CD2AP: variants seen among roughly 807,000 people sequenced by gnomAD.
The protein encoded by CD2AP is CD2 associated protein.
In CD2AP, 46 loss-of-function variants were observed where a neutral mutation model predicts 85.1. That is an observed-to-expected ratio of 0.54 (90% CI 0.43 to 0.69). The LOEUF is 0.69. Ranked by LOEUF, CD2AP falls within the 30% of genes least tolerant of loss-of-function variation. The probability of loss-of-function intolerance (pLI) is 0.00; values close to 1 mark genes in which losing one functional copy is unlikely to be tolerated. For synonymous variants in CD2AP, 255 were observed against 252.9 expected (o/e 1.01, Z -0.08); for missense variants, 769 against 729.5 (o/e 1.05, Z -0.62).
intron 2 of CD2AP, among the ~76,000 whole-genome samples, chr6:47,525,476 A>T (rs1245266752): frequency 6.6e-6 from 1 of 152,096 alleles, no homozygotes; most frequent in Non-Finnish European, 1.5e-5. Context: ...GGTTTTTATT[A>T]TTCTTTGCGA....
intron 11 of CD2AP, among the ~76,000 whole-genome samples, chr6:47,590,386 A>C (rs1020643911): frequency 3.9e-5 from 6 of 152,138 alleles, no homozygotes; most frequent in African/African-American, 1.4e-4. Flanking sequence ...GTATATTTTT[A>C]AAAGAAAATA....
At chr6:47,535,106 A>G (rs1456819879) in intron 3 of CD2AP, among the ~76,000 whole-genome samples, 1 of 152,112 alleles carries the variant, frequency 6.6e-6, no homozygotes, top group Non-Finnish European at 1.5e-5. Context: ...TAGAGATTGC[A>G]TACTTATTAC....
intron 2 of CD2AP, among the ~76,000 whole-genome samples, chr6:47,508,047 T>G (rs1339799759): frequency 6.6e-6 from 1 of 152,238 alleles, no homozygotes; most frequent in African/African-American, 2.4e-5. Context: ...TTAGCATAAT[T>G]CTTAAGGACC....
chr6:47,567,357 A>T (rs1348187153), intron 5 of CD2AP, among the ~76,000 whole-genome samples: 1 of 152,126 alleles, frequency 6.6e-6, no homozygotes, highest in African/African-American at 2.4e-5. Flanking sequence ...TATAAATACA[A>T]TTGTTTAGTT....
At chr6:47,603,246 T>G (rs561229854) in intron 13 of CD2AP, among the ~76,000 whole-genome samples, 1 of 152,252 alleles carries the variant, frequency 6.6e-6, no homozygotes, top group South Asian at 2.1e-4. Flanking sequence ...ATGTATGAAA[T>G]ATTTTAAAGA....
At chr6:47,542,266 CT>C (rs1407479062) in intron 3 of CD2AP, among the ~76,000 whole-genome samples, 1 of 152,154 alleles carries the variant, frequency 6.6e-6, no homozygotes, top group African/African-American at 2.4e-5. Context: ...TAAGAAAAAT[CT>C]TGTTAGGATT....
intron 1 of CD2AP, among the ~76,000 whole-genome samples, chr6:47,500,004 C>G (rs1765959908): frequency 6.6e-6 from 1 of 152,192 alleles, no homozygotes; most frequent in African/African-American, 2.4e-5. Context: ...GCTGGGATTA[C>G]AGGCGTGAGC....
At chr6:47,619,056 A>C (rs1197894959) in intron 17 of CD2AP, among the ~76,000 whole-genome samples, 1 of 152,228 alleles carries the variant, frequency 6.6e-6, no homozygotes, top group East Asian at 1.9e-4. Context: ...GAGAAACTCT[A>C]GCAATGTATT....
At position 47,626,742 on chromosome 6, in the gene CD2AP, A is replaced by G. The variant is rs1029952914; in HGVS notation, c.*2515A>G. 7.9e-5 allele frequency: 12 copies of G among 152,444 alleles called. No individual in the cohort carries two copies. Among genetic ancestry groups the G allele is most frequent in the East Asian group, 1.9e-4 (1 of 5,204 alleles). 9.4% of individuals were successfully genotyped at this position (152,444 alleles called of 1,614,324 possible). On this transcript the variant is annotated 3_prime_UTR_variant, in exon 18 of 18. Coordinates refer to ENST00000359314, the MANE Select transcript of CD2AP (RefSeq NM_012120.3). Reference sequence around the variant, plus strand: ...TGATCACAGAAAAATTAAAAATCCAAGTGCTCTCTAGATTTGTTGATAAAC... The same window carrying G: ...TGATCACAGAAAAATTAAAAATCCAGGTGCTCTCTAGATTTGTTGATAAAC...
chr6:47,478,111 G>C lies in CD2AP; in HGVS notation c.-134G>C. The C allele has an allele frequency of 8.4e-7, 1 of 1,193,884 alleles. No homozygotes were observed. The highest frequency in any genetic ancestry group is 1.2e-6 in the Non-Finnish European group (1 of 829,046). The allele number at this position is 1,193,884 out of a possible 1,614,324, so 74.0% of individuals were successfully genotyped here. A position where few individuals can be genotyped will look rare whatever the true frequency, so the allele number is the denominator to read the frequency against. On this transcript the variant is annotated 5_prime_UTR_variant, in exon 1 of 18. Transcript: ENST00000359314. ...CGCGGGCGGATGGAGGCGACTCTTC[G>C]CCCCGCCTGAGCTCAGGAGGGGCTA...
At chr6:47,586,257 A>T (rs1349468496) in intron 11 of CD2AP, among the ~76,000 whole-genome samples, 2 of 152,282 alleles carry the variant, frequency 1.3e-5, no homozygotes, top group East Asian at 3.9e-4. Flanking sequence ...AGAAAAGAAT[A>T]ATACAGTATC....
At chr6:47,561,053 A>G (rs1386932671) in intron 5 of CD2AP, among the ~76,000 whole-genome samples, 1 of 152,136 alleles carries the variant, frequency 6.6e-6, no homozygotes, top group Non-Finnish European at 1.5e-5. Flanking sequence ...TATTACCAGT[A>G]TTATTTATTT....
At chr6:47,515,136 G>T (rs376321472) in intron 2 of CD2AP, among the ~76,000 whole-genome samples, 1 of 152,026 alleles carries the variant, frequency 6.6e-6, no homozygotes, top group Non-Finnish European at 1.5e-5. Context: ...TCTGGCAAAG[G>T]TATTAGATAA....
intron 8 of CD2AP, among the ~76,000 whole-genome samples, chr6:47,578,776 C>A (rs897492242): frequency 6.6e-6 from 1 of 151,846 alleles, no homozygotes; most frequent in Non-Finnish European, 1.5e-5. Context: ...CCTGTCTCAG[C>A]CTCCTGAGTA....
At chr6:47,609,388 A>G (rs1431055013) in intron 16 of CD2AP, 84 bp downstream of exon 16, 45 of 1,142,982 alleles carry the variant, frequency 3.9e-5, no homozygotes, top group Non-Finnish European at 5.7e-5. Flanking sequence ...GTAAAAATCT[A>G]ATCTGTGGCT....
chr6:47,507,697 G>A (rs778165812), intron 2 of CD2AP, among the ~76,000 whole-genome samples: 5 of 152,112 alleles, frequency 3.3e-5, no homozygotes, highest in Non-Finnish European at 5.9e-5. Flanking sequence ...TGCCCGCCTT[G>A]GCCTCAGAAA....
At position 47,606,212 on chromosome 6, in the gene CD2AP, C is replaced by T. The variant is rs1437681570; in HGVS notation, c.1465C>T (p.Leu489Phe). 3.7e-6 allele frequency: 6 copies of T among 1,611,612 alleles called. No homozygotes were observed. Among genetic ancestry groups the T allele is most frequent in the Non-Finnish European group, 4.2e-6 (5 of 1,178,096 alleles). ...AGCTTCCTCAGAAAACTTGCTTCAT[C>T]TCACTGCAAATAGACCAAAGATGCC... ...DIASSENLLH[L>F]TANRPKMPGR... Residue 489 changes from leucine (L) to phenylalanine (F), a missense_variant, in exon 14 of 18, where the codon CTC becomes TTC. Physicochemically the swap from Leu to Phe is conservative, Grantham distance 22 (BLOSUM62 0). Transcript: ENST00000359314.
intron 4 of CD2AP, among the ~76,000 whole-genome samples, chr6:47,553,463 C>A (rs1767581476): frequency 6.7e-6 from 1 of 150,280 alleles, no homozygotes; most frequent in South Asian, 2.1e-4. Flanking sequence ...TCTCCTGCCT[C>A]AGCTTCCCAG....
At chr6:47,549,170 C>A (rs888844945) in intron 4 of CD2AP, among the ~76,000 whole-genome samples, 1 of 152,074 alleles carries the variant, frequency 6.6e-6, no homozygotes, top group Admixed American at 6.6e-5. Context: ...TCTCACCACT[C>A]CTCTTCAACA....
Sources: allele counts gnomAD v4.1 joint callset (sites outside exome capture counted in the v4.1 genomes callset), GRCh38; gene constraint gnomAD v4.1.1; transcripts MANE v1.5; gene names NCBI Gene and HGNC (gene_info 2026-07-23, HGNC 2026-07-21).